STAT1: variants seen among roughly 807,000 people sequenced by gnomAD.
STAT1 encodes signal transducer and activator of transcription 1.
A neutral mutation model predicts 111.7 loss-of-function variants in STAT1; 24 were observed. That is an observed-to-expected ratio of 0.21 (90% CI 0.16 to 0.30). The LOEUF is 0.30. Ranked by LOEUF, STAT1 falls within the 10% of genes least tolerant of loss-of-function variation. The pLI is 1.00. For missense variants in STAT1, 351 were observed against 911.9 expected (o/e 0.38, Z 7.92); for synonymous variants, 332 against 326.5 (o/e 1.02, Z -0.18).
chr2:190,974,088 C>T lies in STAT1; in HGVS notation c.2238+742G>A, dbSNP rs1691711645. Among the ~76,000 whole-genome samples, 1 of 152,160 alleles carries T rather than the reference C, an allele frequency of 6.6e-6. No homozygotes were observed. On this transcript the variant is annotated intron_variant, in intron 24 of 24. Transcript: ENST00000361099. The surrounding 1 kb of genome is among the most constrained non-coding windows in gnomAD (Gnocchi z 4.8). Reference sequence around the variant, plus strand: ...AATTTTTAAAAATGAGCTGGAATAGCTCCATGTGGAAAAGAGCTTAAAATT... The same window carrying T: ...AATTTTTAAAAATGAGCTGGAATAGTTCCATGTGGAAAAGAGCTTAAAATT...
In STAT1 at chr2:190,984,441, C is replaced by T. The variant is rs773031754; in HGVS notation, c.1264-48G>A. On this transcript the variant is annotated intron_variant, in intron 15 of 24. Transcript: ENST00000361099. This position sits in a 1 kb window ranked among gnomAD's most constrained non-coding sequence, Gnocchi z 5.2. ...GAAAAGAATATAATTATTCACAGAT[C>T]CTAAAACTTTCAAAAGCCCAATTAA... 3 of 1,549,094 alleles carry T rather than the reference C, an allele frequency of 1.9e-6. No homozygotes were observed. The highest frequency in any genetic ancestry group is 2.7e-6 in the Non-Finnish European group (3 of 1,124,064).
At position 190,983,691 on chromosome 2, in the gene STAT1, C is replaced by T. The variant is rs1266546864; in HGVS notation, c.1397G>A (p.Ser466Asn). 6.2e-7 allele frequency: 1 copy of T among 1,614,140 alleles called. No individual in the cohort carries two copies. The change falls in exon 17 of 25, where the codon AGC becomes AAC. Residue 466 changes from serine (S) to asparagine (N), a missense_variant. Transcript: ENST00000361099. The surrounding 1 kb of genome is among the most constrained non-coding windows in gnomAD (Gnocchi z 5.7). ...VVISNVSQLP[S>N]GWASILWYNM... Reference sequence around the variant, plus strand: ...GTACCAAAGGATGGAGGCCCAACCGCTCGGGAGCTGGCTGACGTTGGAGAT... The same window carrying T: ...GTACCAAAGGATGGAGGCCCAACCGTTCGGGAGCTGGCTGACGTTGGAGAT...
rs760263378 is a variant in STAT1, at chr2:191,007,710, A to C, written c.274-49T>G. 2.7e-5 allele frequency: 37 copies of C among 1,347,616 alleles called. 1 individual carries two copies. In the South Asian group the frequency reaches 4.2e-4, roughly 15 times the overall value. The allele number at this position is 1,347,616 out of a possible 1,614,324, so 83.5% of individuals were successfully genotyped here. ...AAATAAATTAAAATGCAGAATGTTT[A>C]CTTTATTGTGTATTGTAAGTTGATA... On this transcript the variant is annotated intron_variant, in intron 4 of 24. Transcript: ENST00000361099. This position sits in a 1 kb window ranked among gnomAD's most constrained non-coding sequence, Gnocchi z 4.2.
rs895514943 is a variant in STAT1, at chr2:191,004,636, T to A, written c.372+2927A>T. Among the ~76,000 whole-genome samples the A allele has an allele frequency of 6.6e-6, 1 of 152,250 alleles. No homozygotes were observed. Among genetic ancestry groups the A allele is most frequent in the Non-Finnish European group, 1.5e-5 (1 of 68,036 alleles). On this transcript the variant is annotated intron_variant, in intron 5 of 24. Transcript: ENST00000361099. This position sits in a 1 kb window ranked among gnomAD's most constrained non-coding sequence, Gnocchi z 5.0. Reference sequence around the variant, plus strand: ...GCTCTGTGGCTCTGAGTGAAGTACCTGACCTCTAAACCTTAGTTTTCTCAT... The same window carrying A: ...GCTCTGTGGCTCTGAGTGAAGTACCAGACCTCTAAACCTTAGTTTTCTCAT...
In STAT1 at chr2:190,985,604, T is replaced by C; in HGVS notation, c.1263+15A>G. 6.2e-7 allele frequency: 1 copy of C among 1,614,166 alleles called. No homozygotes were observed. Among genetic ancestry groups the C allele is most frequent in the Non-Finnish European group, 8.5e-7 (1 of 1,180,016 alleles). The stretch of plus-strand genomic sequence containing the variant: ...GCCTGATTTGGGCCCATTCACAACA[T>C]AAAGGGACTCTCACCTCATTCGTTC... On this transcript the variant is annotated intron_variant, in intron 15 of 24. Transcript: ENST00000361099.
Position 191,000,985 on chromosome 2 carries a change from A to G in STAT1, c.462+89T>C. On this transcript the variant is annotated intron_variant, in intron 6 of 24. Coordinates refer to ENST00000361099, the MANE Select transcript of STAT1 (RefSeq NM_007315.4). This position sits in a 1 kb window ranked among gnomAD's most constrained non-coding sequence, Gnocchi z 4.8. ...CCCAACTACTTAAAAGACTGAACTC[A>G]GTTACGAGGTTTACACCCCAAGCAA... The G allele has an allele frequency of 9.2e-7, 1 of 1,088,708 alleles. No individual in the cohort carries two copies. Among genetic ancestry groups the G allele is most frequent in the Non-Finnish European group, 1.4e-6 (1 of 705,380 alleles). The allele number at this position is 1,088,708 out of a possible 1,614,324, so 67.4% of individuals were successfully genotyped here. A position where few individuals can be genotyped will look rare whatever the true frequency, so the allele number is the denominator to read the frequency against.
Position 190,979,759 on chromosome 2 carries a change from C to T in STAT1, c.1727+13G>A, listed in dbSNP as rs377146580. ...AAAATATGTTTCAAAATACATCTAT[C>T]GGTGGCCCTTACCCATCATTCCAGA... On this transcript the variant is annotated intron_variant, in intron 20 of 24. Transcript: ENST00000361099. This position sits in a 1 kb window ranked among gnomAD's most constrained non-coding sequence, Gnocchi z 5.8. The T allele has an allele frequency of 5.3e-5, 85 of 1,593,608 alleles. No individual in the cohort carries two copies. In the Middle Eastern group the frequency reaches 1.2e-3, roughly 22 times the overall value.
chr2:190,994,257 G>T (rs1393764805), intron 10 of STAT1, among the ~76,000 whole-genome samples: 1 of 152,164 alleles, frequency 6.6e-6, no homozygotes, highest in Non-Finnish European at 1.5e-5. Context: ...GTGTGTGGAC[G>T]TGAAGCGTGG....
At chr2:190,994,959 A>ATATATATATATAT (rs1559017192) in intron 10 of STAT1, 102 bp downstream of exon 10, 2 of 461,778 alleles carry the variant, frequency 4.3e-6, no homozygotes, top group African/African-American at 2.7e-5. Context: ...TATATATATA[A>ATATATATATATAT]AAAACACCTA....
Position 190,999,769 on chromosome 2 carries a change from A to C in STAT1, c.463-65T>G, listed in dbSNP as rs1275896674. 1 of 1,163,706 alleles carries C rather than the reference A, an allele frequency of 8.6e-7. No individual in the cohort carries two copies. Among genetic ancestry groups the C allele is most frequent in the Non-Finnish European group, 1.3e-6 (1 of 777,196 alleles). The allele number at this position is 1,163,706 out of a possible 1,614,324, so 72.1% of individuals were successfully genotyped here. ...AACTTCCAAAGACTTTAGGCAACAG[A>C]GTATTGCTTCTATGGAACCCAGAGA... On this transcript the variant is annotated intron_variant, in intron 6 of 24. Transcript: ENST00000361099. This position sits in a 1 kb window ranked among gnomAD's most constrained non-coding sequence, Gnocchi z 4.1.
In STAT1 at chr2:190,977,070, A is replaced by G. The variant is rs1192413348; in HGVS notation, c.1874-45T>C. ...AGTAAATCCCATAGAACATCCCAAA[A>G]TGAAAGAGGACAGAGAAATAAAACA... On this transcript the variant is annotated intron_variant, in intron 21 of 24. Transcript: ENST00000361099. The surrounding 1 kb of genome is among the most constrained non-coding windows in gnomAD (Gnocchi z 4.7). 1.9e-6 allele frequency: 3 copies of G among 1,588,326 alleles called. No individual in the cohort carries two copies.
intron 10 of STAT1, among the ~76,000 whole-genome samples, chr2:190,994,699 T>C (rs1179438693): frequency 6.6e-6 from 1 of 151,726 alleles, no homozygotes; most frequent in Non-Finnish European, 1.5e-5. Context: ...GGAGGGCAGA[T>C]CACCTGAGTT....
rs997089871 is a variant in STAT1, at chr2:191,006,988, A to G, written c.372+575T>C. Among the ~76,000 whole-genome samples, 8 of 152,124 alleles carry G rather than the reference A, an allele frequency of 5.3e-5. No homozygotes were observed. The highest frequency in any genetic ancestry group is 1.2e-4 in the Non-Finnish European group (8 of 68,014). On this transcript the variant is annotated intron_variant, in intron 5 of 24. Transcript: ENST00000361099. The surrounding 1 kb of genome is among the most constrained non-coding windows in gnomAD (Gnocchi z 4.6). ...TCCTTGCCTTCCCAGCTCCGTGTAC[A>G]GCATTACCATTTTTCAAGGGGTTCT... is the stretch of plus-strand genomic sequence containing the variant.
rs1398307167 is a variant in STAT1, at chr2:190,978,942, G to T, written c.1787C>A (p.Pro596Gln). The T allele has an allele frequency of 6.2e-7, 1 of 1,614,084 alleles. No individual in the cohort carries two copies. Among genetic ancestry groups the T allele is most frequent in the Non-Finnish European group, 8.5e-7 (1 of 1,179,982 alleles). The change falls in exon 21 of 25, where the codon CCG becomes CAG. Residue 596 changes from proline to glutamine, a missense_variant. Pro to Gln is a moderately conservative substitution (Grantham distance 76). Around this residue, in one of 7 missense-constraint regions of STAT1, gnomAD observed 181 missense variants for 426.1 expected, o/e 0.42. Transcript: ENST00000361099. This position sits in a 1 kb window ranked among gnomAD's most constrained non-coding sequence, Gnocchi z 6.1. ...RERALLKDQQ[P>Q]GTFLLRFSES... ...ACTGAACCGCAGCAGGAAGGTCCCCGGCTGCTGGTCCTTCAACAGGGCACG... is the reference window on the plus strand; with the variant it reads ...ACTGAACCGCAGCAGGAAGGTCCCCTGCTGCTGGTCCTTCAACAGGGCACG...
rs1342863515 is a variant in STAT1, at chr2:190,979,105, A to G, written c.1728-104T>C. Reference sequence around the variant, plus strand: ...AAATGGCTGGAATGTGAGAAAAAAAACCTACGGTAAAAAACGTAGACTATT... The same window carrying G: ...AAATGGCTGGAATGTGAGAAAAAAAGCCTACGGTAAAAAACGTAGACTATT... On this transcript the variant is annotated intron_variant, in intron 20 of 24. Coordinates refer to ENST00000361099, the MANE Select transcript of STAT1 (RefSeq NM_007315.4). This position sits in a 1 kb window ranked among gnomAD's most constrained non-coding sequence, Gnocchi z 5.8. 6.9e-7 allele frequency: 1 copy of G among 1,447,328 alleles called. No individual in the cohort carries two copies. The highest frequency in any genetic ancestry group is 9.5e-7 in the Non-Finnish European group (1 of 1,050,006). The allele number at this position is 1,447,328 out of a possible 1,614,324, so 89.7% of individuals were successfully genotyped here. A position where few individuals can be genotyped will look rare whatever the true frequency, so the allele number is the denominator to read the frequency against.
rs753214495 is a variant in STAT1, at chr2:191,004,150, C to T, written c.373-2987G>A. On this transcript the variant is annotated intron_variant, in intron 5 of 24. Transcript: ENST00000361099. The surrounding 1 kb of genome is among the most constrained non-coding windows in gnomAD (Gnocchi z 5.0). ...TCCACTCATCCCTCCCTGCTTCCCT[C>T]CACCCTGCCCCCATCTGCTAAGCAG... 2.3e-4 allele frequency among the ~76,000 whole-genome samples: 35 copies of T among 152,156 alleles called. No individual in the cohort carries two copies. Among genetic ancestry groups the T allele is most frequent in the Admixed American group, 1.2e-3 (18 of 15,278 alleles).
chr2:190,996,174 T>C lies in STAT1; in HGVS notation c.786-955A>G, dbSNP rs1407382534. 6.6e-6 allele frequency among the ~76,000 whole-genome samples: 1 copy of C among 152,114 alleles called. No homozygotes were observed. The highest frequency in any genetic ancestry group is 1.5e-5 in the Non-Finnish European group (1 of 68,012). On this transcript the variant is annotated intron_variant, in intron 9 of 24. Coordinates refer to ENST00000361099, the MANE Select transcript of STAT1 (RefSeq NM_007315.4). The surrounding 1 kb of genome is among the most constrained non-coding windows in gnomAD (Gnocchi z 4.5). ...CTAGACCCTAAACATAAAAAGCCAATGAGTAAACCCAGTGATTGCTCTTAG... is the reference window on the plus strand; with the variant it reads ...CTAGACCCTAAACATAAAAAGCCAACGAGTAAACCCAGTGATTGCTCTTAG...
In STAT1 at chr2:190,976,028, T is replaced by C; in HGVS notation, c.2060-141A>G. 1.4e-6 allele frequency: 1 copy of C among 729,794 alleles called. No individual in the cohort carries two copies. Among genetic ancestry groups the C allele is most frequent in the East Asian group, 2.7e-5 (1 of 37,044 alleles). The allele number at this position is 729,794 out of a possible 1,614,324, so 45.2% of individuals were successfully genotyped here. On this transcript the variant is annotated intron_variant, in intron 22 of 24. Coordinates refer to ENST00000361099, the MANE Select transcript of STAT1 (RefSeq NM_007315.4). This position sits in a 1 kb window ranked among gnomAD's most constrained non-coding sequence, Gnocchi z 6.0. ...AAACTTTAAGGAGCTATAACCTCCC[T>C]GCCTGAGTCACCTAAAATTCTAGTG...
rs771679538 is a variant in STAT1 at position 190,985,668 on chromosome 2, A to G, written c.1222-8T>C. 19 of 1,614,026 alleles carry G rather than the reference A, an allele frequency of 1.2e-5. No individual in the cohort carries two copies. The Admixed American group carries it at 2.8e-4, about 24-fold the overall frequency. On this transcript the variant is annotated splice_polypyrimidine_tract_variant and splice_region_variant and intron_variant, in intron 14 of 24. Transcript: ENST00000361099. ...TTTCTGTTCTTTCAATTGCTATAAAACAAATAATCATCTTAGTAAACACCA... is the reference window on the plus strand; with the variant it reads ...TTTCTGTTCTTTCAATTGCTATAAAGCAAATAATCATCTTAGTAAACACCA...
Sources: gnomAD v4.1 joint callset for allele counts (sites outside exome capture counted in the v4.1 genomes callset) on GRCh38, gnomAD v4.1.1 for gene constraint, gnomAD v4.1.1 regional missense constraint, Gnocchi (gnomAD v3.1) non-coding constraint, MANE v1.5 for transcripts, NCBI Gene and HGNC (gene_info 2026-07-23, HGNC 2026-07-21) for gene names.